RELN: variants seen among roughly 807,000 people sequenced by gnomAD.
RELN encodes the protein reelin.
A neutral mutation model predicts 427.6 loss-of-function variants in RELN; 108 were observed. The observed-to-expected ratio is 0.25, with a 90% CI of 0.22 to 0.30. RELN has a LOEUF of 0.30. Among genes scored for constraint, RELN ranks in the 10% least tolerant of loss-of-function variants. RELN has a pLI of 1.00. For missense variants in RELN, 3,715 were observed against 4,302.8 expected (o/e 0.86, Z 3.82); for synonymous variants, 1,524 against 1,513.4 (o/e 1.01, Z -0.16).
chr7:103,774,211 C>T (rs1340857088), intron 4 of RELN, among the ~76,000 whole-genome samples: 3 of 150,842 alleles, frequency 2.0e-5, no homozygotes, highest in East Asian at 2.0e-4. Flanking sequence ...GCAGGAGAAT[C>T]GCTTGAACCC....
intron 3 of RELN, among the ~76,000 whole-genome samples, chr7:103,809,541 ATTAGGGGAGGTATAAATGC>A (rs1214905468): frequency 2.0e-5 from 3 of 152,160 alleles, no homozygotes; most frequent in Non-Finnish European, 4.4e-5. Flanking sequence ...GATTTATACA[ATTAGGGGAGGTATAAATGC>A]TTAGAAAACA....
intron 19 of RELN, among the ~76,000 whole-genome samples, chr7:103,631,913 T>G (rs1832476771): frequency 6.6e-6 from 1 of 152,138 alleles, no homozygotes; most frequent in Non-Finnish European, 1.5e-5. Context: ...TTTCTTCATA[T>G]TAATTATAAA....
intron 6 of RELN, among the ~76,000 whole-genome samples, chr7:103,746,623 CA>C (rs1455012578): frequency 1.3e-5 from 2 of 152,124 alleles, no homozygotes; most frequent in African/African-American, 4.8e-5. Flanking sequence ...AGACACTTCT[CA>C]AAAGAAGACA....
intron 46 of RELN, among the ~76,000 whole-genome samples, chr7:103,527,107 T>C (rs1829838529): frequency 6.6e-6 from 1 of 152,180 alleles, no homozygotes; most frequent in Non-Finnish European, 1.5e-5. Flanking sequence ...CCCAGGTATC[T>C]CTCCCTACAC....
chr7:103,482,322 C>T (rs1828271088), intron 63 of RELN: 1 of 161,764 alleles, frequency 6.2e-6, no homozygotes, highest in South Asian at 1.7e-4. Context: ...AACAGTCAAC[C>T]CGGCCAGGTG....
At chr7:103,881,899 G>C (rs551795536) in intron 2 of RELN, among the ~76,000 whole-genome samples, 2 of 152,132 alleles carry the variant, frequency 1.3e-5, no homozygotes, top group Non-Finnish European at 2.9e-5. Flanking sequence ...TGGATTTTAA[G>C]CTCCTAAAAG....
rs531386280 is a variant in RELN at position 103,797,602 on chromosome 7, C to G, written c.474-20975G>C. Among the ~76,000 whole-genome samples the G allele has an allele frequency of 7.3e-4, 111 of 152,234 alleles. 1 individual carries two copies. The highest frequency in any genetic ancestry group is 2.6e-3 in the African/African-American group (106 of 41,534). ...TTTCTGATAATATCCTTTATCCCTC[C>G]AATATCCAGTCCAAGATACCATATC... On this transcript the variant is annotated intron_variant, in intron 3 of 64. Coordinates refer to ENST00000428762, the MANE Select transcript of RELN (RefSeq NM_005045.4).
At chr7:103,499,123 A>G (rs1166353633) in intron 53 of RELN, among the ~76,000 whole-genome samples, 3 of 152,150 alleles carry the variant, frequency 2.0e-5, no homozygotes, top group Non-Finnish European at 2.9e-5. Flanking sequence ...ATCTCTCTAT[A>G]TAAGTCAAAA....
chr7:103,595,051 T>C (rs952679116), intron 25 of RELN, among the ~76,000 whole-genome samples: 2 of 152,192 alleles, frequency 1.3e-5, no homozygotes, highest in African/African-American at 2.4e-5. Flanking sequence ...TAACATTACA[T>C]CATAAGTACA....
chr7:103,565,678 C>G (rs1830735247), intron 33 of RELN, 127 bp from the exon 34 acceptor site: 3 of 837,072 alleles, frequency 3.6e-6, no homozygotes, highest in Non-Finnish European at 5.6e-6. Context: ...CCCCTATGTG[C>G]TTTGACTTTT....
chr7:103,612,460 A>T (rs1222447820), intron 20 of RELN, among the ~76,000 whole-genome samples: 1 of 151,972 alleles, frequency 6.6e-6, no homozygotes, highest in Non-Finnish European at 1.5e-5. Context: ...TTTTTAGTAG[A>T]GACAGTGTTT....
chr7:103,887,142 C>A (rs916692803), intron 2 of RELN, among the ~76,000 whole-genome samples: 9 of 152,176 alleles, frequency 5.9e-5, no homozygotes, highest in Non-Finnish European at 1.2e-4. Flanking sequence ...TCTGCCTTAA[C>A]ACAAGGTGGC....
At chr7:103,799,425 C>T (rs115265038) in intron 3 of RELN, among the ~76,000 whole-genome samples, 27 of 152,244 alleles carry the variant, frequency 1.8e-4, no homozygotes, top group African/African-American at 6.5e-4. Context: ...ATTCATGTTA[C>T]TCTCTTATCA....
Position 103,824,203 on chromosome 7 carries a change from T to A in RELN, c.473+9334A>T, listed in dbSNP as rs1163112746. ...AATTTCTGCCATTATCTCTTCAAAT[T>A]TGTCTTATTATTTTTATTCTCTCCT... On this transcript the variant is annotated intron_variant, in intron 3 of 64. Transcript: ENST00000428762. This position sits in a 1 kb window ranked among gnomAD's most constrained non-coding sequence, Gnocchi z 4.4. Among the ~76,000 whole-genome samples the A allele has an allele frequency of 6.6e-6, 1 of 151,864 alleles. No individual in the cohort carries two copies. Among genetic ancestry groups the A allele is most frequent in the Admixed American group, 6.6e-5 (1 of 15,216 alleles).
intron 60 of RELN, among the ~76,000 whole-genome samples, chr7:103,489,073 A>T (rs980875200): frequency 4.6e-5 from 7 of 152,226 alleles, no homozygotes; most frequent in African/African-American, 1.7e-4. Flanking sequence ...GCAGGCCTGC[A>T]TACCTTCTAA....
chr7:103,485,753 C>T (rs954211005), intron 61 of RELN, among the ~76,000 whole-genome samples: 2 of 98,784 alleles, frequency 2.0e-5, no homozygotes, highest in African/African-American at 5.0e-5. Flanking sequence ...TCCATCCAAC[C>T]ATCCATCCAT....
intron 1 of RELN, among the ~76,000 whole-genome samples, chr7:103,942,753 A>T (rs1398509970): frequency 6.6e-6 from 1 of 152,072 alleles, no homozygotes; most frequent in Non-Finnish European, 1.5e-5. Flanking sequence ...CTCTACTAAA[A>T]ATACAAAAAT....
At chr7:103,977,997 G>A (rs1444677583) in intron 1 of RELN, among the ~76,000 whole-genome samples, 2 of 152,108 alleles carry the variant, frequency 1.3e-5, no homozygotes, top group African/African-American at 4.8e-5. Context: ...GATTACAAAT[G>A]TTTCTTTCAC....
At chr7:103,705,304 CTG>C (rs1366498117) in intron 8 of RELN, among the ~76,000 whole-genome samples, 2 of 152,072 alleles carry the variant, frequency 1.3e-5, no homozygotes, top group Non-Finnish European at 2.9e-5. Flanking sequence ...ACCAAATATT[CTG>C]TGTGTCTTTT....
Sources: gnomAD v4.1 joint callset for allele counts (sites outside exome capture counted in the v4.1 genomes callset) on GRCh38, gnomAD v4.1.1 for gene constraint, Gnocchi (gnomAD v3.1) non-coding constraint, MANE v1.5 for transcripts, NCBI Gene and HGNC (gene_info 2026-07-23, HGNC 2026-07-21) for gene names.